The following PAPPA2 variants were observed in gnomAD, a reference collection of about 807,000 sequenced individuals.
PAPPA2 encodes the protein pappalysin-2.
In PAPPA2, 86 loss-of-function variants were observed where a neutral mutation model predicts 176.4. The observed-to-expected ratio is 0.49, with a 90% confidence interval of 0.41 to 0.58. The LOEUF is 0.58. PAPPA2 is among the 20% of genes least tolerant of loss of function. The probability of loss-of-function intolerance (pLI) is 0.00; values close to 1 mark genes in which losing one functional copy is unlikely to be tolerated. For missense variants in PAPPA2, 2,073 were observed against 2,256.9 expected, an observed-to-expected ratio of 0.92 and a Z score of 1.65; for synonymous variants, 809 against 852.2, an observed-to-expected ratio of 0.95 and a Z score of 0.88.
intron 1 of PAPPA2, among the ~76,000 whole-genome samples, chr1:176,483,899 C>A (rs1652526701): frequency 6.6e-6 from 1 of 152,142 alleles, no homozygotes; most frequent in African/African-American, 2.4e-5. Flanking sequence ...GGCTTTCCAC[C>A]CTGTGAACCT....
In PAPPA2 at chr1:176,623,686, TCTC is replaced by T. The variant is rs1301277713; in HGVS notation, c.1991+28092_1991+28094del. 4.5e-4 allele frequency among the ~76,000 whole-genome samples: 65 copies of T among 145,108 alleles called. 1 individual carries two copies. Among genetic ancestry groups the T allele is most frequent in the African/African-American group, 1.6e-3 (62 of 37,938 alleles). ...TTCTTTCTTTTTCTTTCTTTCTTTC[TCTC>T]TCTCTTTCCTTTCTTTCTTTTCTTC... On this transcript the variant is annotated intron_variant, in intron 3 of 22. Coordinates refer to ENST00000367662, the MANE Select transcript of PAPPA2 (RefSeq NM_020318.3).
At chr1:176,473,922 G>C (rs1048779239) in intron 1 of PAPPA2, among the ~76,000 whole-genome samples, 1 of 152,156 alleles carries the variant, frequency 6.6e-6, no homozygotes, top group South Asian at 2.1e-4. Context: ...CTTAGGATCA[G>C]AGTGGTAAGT....
At chr1:176,709,403 G>A (rs538644723) in intron 10 of PAPPA2, among the ~76,000 whole-genome samples, 2 of 151,776 alleles carry the variant, frequency 1.3e-5, no homozygotes, top group Non-Finnish European at 2.9e-5. Context: ...GTTGTCCTAA[G>A]ACTAAAAAAA....
At chr1:176,770,944 G>A in intron 16 of PAPPA2, 23 bp from the exon 17 acceptor site, 1 of 1,606,356 alleles carries the variant, frequency 6.2e-7, no homozygotes, top group African/African-American at 1.3e-5. Context: ...TGAGCATCTT[G>A]TGCTTCTCTT....
At chr1:176,528,194 C>T (rs976506436) in intron 1 of PAPPA2, among the ~76,000 whole-genome samples, 4 of 152,154 alleles carry the variant, frequency 2.6e-5, no homozygotes, top group African/African-American at 9.7e-5. Flanking sequence ...AGGGCTCCGA[C>T]ATTAAGAACT....
intron 20 of PAPPA2, among the ~76,000 whole-genome samples, chr1:176,796,628 C>CT (rs765912942): frequency 2.0e-5 from 3 of 148,438 alleles, no homozygotes; most frequent in South Asian, 2.2e-4. Flanking sequence ...TTCTTTCTTT[C>CT]TTTTTCTTTC....
intron 20 of PAPPA2, among the ~76,000 whole-genome samples, chr1:176,797,009 CT>C (rs1178198728): frequency 6.6e-6 from 1 of 152,014 alleles, no homozygotes; most frequent in Non-Finnish European, 1.5e-5. Context: ...TTCTCTTAAA[CT>C]TTTTTTATGT....
At chr1:176,497,413 A>G (rs1332289108) in intron 1 of PAPPA2, among the ~76,000 whole-genome samples, 1 of 152,184 alleles carries the variant, frequency 6.6e-6, no homozygotes, top group Non-Finnish European at 1.5e-5. Context: ...TCTAATTATT[A>G]AAATATAAAT....
chr1:176,815,125 T>C (rs1477517960), intron 21 of PAPPA2, among the ~76,000 whole-genome samples: 1 of 152,170 alleles, frequency 6.6e-6, no homozygotes, highest in Non-Finnish European at 1.5e-5. Context: ...TGTGTATACA[T>C]ATGTATCTGT....
At chr1:176,814,781 C>G (rs190701759) in intron 21 of PAPPA2, among the ~76,000 whole-genome samples, 2 of 152,298 alleles carry the variant, frequency 1.3e-5, no homozygotes, top group Admixed American at 1.3e-4. Flanking sequence ...TTATTTCTTT[C>G]TCTTGCCTGA....
chr1:176,523,478 C>T (rs552798658), intron 1 of PAPPA2, among the ~76,000 whole-genome samples: 1 of 152,302 alleles, frequency 6.6e-6, no homozygotes, highest in East Asian at 1.9e-4. Flanking sequence ...ACCAGCTCAA[C>T]ATTATTTGTC....
At chr1:176,695,944 G>A (rs761054901) in intron 7 of PAPPA2, 85 bp downstream of exon 7, 1 of 1,531,538 alleles carries the variant, frequency 6.5e-7, no homozygotes, top group Non-Finnish European at 8.8e-7. Context: ...GTGACATGGT[G>A]ACAAAAAGGC....
At chr1:176,837,572 G>A (rs1667323583) in intron 21 of PAPPA2, among the ~76,000 whole-genome samples, 1 of 151,244 alleles carries the variant, frequency 6.6e-6, no homozygotes, top group African/African-American at 2.4e-5. Flanking sequence ...ACCCTTACCA[G>A]GATAAGCTTC....
chr1:176,647,786 T>C (rs1005756646), intron 3 of PAPPA2, among the ~76,000 whole-genome samples: 1 of 151,482 alleles, frequency 6.6e-6, no homozygotes, highest in Non-Finnish European at 1.5e-5. Context: ...TAATGTTTTT[T>C]GTTTGTTTCT....
At chr1:176,476,888 C>T (rs1353383879) in intron 1 of PAPPA2, among the ~76,000 whole-genome samples, 1 of 152,134 alleles carries the variant, frequency 6.6e-6, no homozygotes, top group East Asian at 1.9e-4. Flanking sequence ...TCTGTTTGCA[C>T]TTGGATATTT....
chr1:176,533,292 AT>A (rs1394607896), intron 1 of PAPPA2, among the ~76,000 whole-genome samples: 2 of 152,190 alleles, frequency 1.3e-5, no homozygotes, highest in African/African-American at 4.8e-5. Context: ...TGAAGAAATT[AT>A]TTTGGGAGCA....
chr1:176,630,584 T>G (rs1656282582), intron 3 of PAPPA2, among the ~76,000 whole-genome samples: 1 of 152,122 alleles, frequency 6.6e-6, no homozygotes, highest in African/African-American at 2.4e-5. Flanking sequence ...ATTGTAGAGG[T>G]TATTTTAGTA....
At chr1:176,719,555 G>GT (rs888978246) in intron 12 of PAPPA2, among the ~76,000 whole-genome samples, 2 of 152,066 alleles carry the variant, frequency 1.3e-5, no homozygotes, top group East Asian at 1.9e-4. Flanking sequence ...TTTAACGTAA[G>GT]TTTTTTTCTT....
intron 3 of PAPPA2, among the ~76,000 whole-genome samples, chr1:176,630,624 A>G (rs1051969167): frequency 6.6e-6 from 1 of 152,186 alleles, no homozygotes; most frequent in Admixed American, 6.5e-5. Context: ...AAGTCATTAA[A>G]CTAAAAGAAA....
Sources: gnomAD v4.1 joint callset for allele counts (sites outside exome capture counted in the v4.1 genomes callset) on GRCh38, gnomAD v4.1.1 for gene constraint, MANE v1.5 for transcripts, NCBI Gene and HGNC (gene_info 2026-07-23, HGNC 2026-07-21) for gene names.